The following SOS1 variants were observed in gnomAD, a reference collection of about 807,000 sequenced individuals.
SOS1 encodes the protein SOS Ras/Rac guanine nucleotide exchange factor 1, also known as son of sevenless homolog 1.
In SOS1, 25 loss-of-function variants were observed where a neutral mutation model predicts 157.6. The ratio of observed to expected loss-of-function variants is 0.16; its 90% CI spans 0.12 to 0.22. SOS1 has a LOEUF of 0.22. Ranked by LOEUF, SOS1 falls within the 10% of genes least tolerant of loss-of-function variation. The pLI is 1.00. For synonymous variants in SOS1, 528 were observed against 534.0 expected, an observed-to-expected ratio of 0.99 and a Z score of 0.16; for missense variants, 1,237 against 1,599.1, an observed-to-expected ratio of 0.77 and a Z score of 3.86.
At chr2:39,122,444 AT>A (rs1272895308), upstream of SOS1, among the ~76,000 whole-genome samples, 7 of 43,548 alleles carry the variant, frequency 1.6e-4, no homozygotes, top group African/African-American at 3.4e-4. Context: ...TCAAAAAAAA[AT>A]ATACACACAC....
chr2:39,122,690 C>T (rs992886222), upstream of SOS1, among the ~76,000 whole-genome samples: 2 of 152,092 alleles, frequency 1.3e-5, no homozygotes, highest in South Asian at 2.1e-4. Context: ...GAATTATAGG[C>T]GCCTGCCACC....
At chr2:39,053,281 TAA>T (rs1394271119) in intron 5 of SOS1, among the ~76,000 whole-genome samples, 1 of 152,184 alleles carries the variant, frequency 6.6e-6, no homozygotes, top group Admixed American at 6.5e-5. Flanking sequence ...TTTGGTATTA[TAA>T]GTCATTTACA....
At chr2:39,055,400 G>A (rs1671178978) in intron 4 of SOS1, among the ~76,000 whole-genome samples, 1 of 151,942 alleles carries the variant, frequency 6.6e-6, no homozygotes, top group Non-Finnish European at 1.5e-5. Flanking sequence ...ATGAATATAA[G>A]TATACCTTCA....
At chr2:39,014,122 G>A in intron 11 of SOS1, 133 bp from the exon 12 acceptor site, 1 of 641,116 alleles carries the variant, frequency 1.6e-6, no homozygotes, top group Non-Finnish European at 2.7e-6. Flanking sequence ...ATGCATATCA[G>A]TGTAAACAAG....
intron 1 of SOS1, among the ~76,000 whole-genome samples, chr2:39,069,120 AG>A (rs1327561884): frequency 1.4e-5 from 2 of 142,332 alleles, no homozygotes; most frequent in Non-Finnish European, 3.0e-5. Flanking sequence ...CTGAGGAAGG[AG>A]GAACACTTAA....
chr2:39,021,430 T>A (rs1389771468), intron 10 of SOS1, among the ~76,000 whole-genome samples: 1 of 150,446 alleles, frequency 6.6e-6, no homozygotes, highest in African/African-American at 2.4e-5. Context: ...CAGAAACAAT[T>A]AAAAATTTTG....
rs547027772 is a variant in SOS1 at position 39,116,834 on chromosome 2, T to C, written c.87+3502A>G. ...CCACTGCACTCCAGCCTGTTAAGAC[T>C]CTGTCTCAAAACAAACAAACAAAAC... is the stretch of plus-strand genomic sequence containing the variant. On this transcript the variant is annotated intron_variant, in intron 1 of 22. Coordinates refer to ENST00000402219, the MANE Select transcript of SOS1 (RefSeq NM_005633.4). Among the ~76,000 whole-genome samples, 5 of 152,188 alleles carry C rather than the reference T, an allele frequency of 3.3e-5. No individual in the cohort carries two copies. The South Asian group carries it at 1.0e-3, about 32-fold the overall frequency.
chr2:39,101,148 AG>A (rs1399328100), intron 1 of SOS1, among the ~76,000 whole-genome samples: 1 of 152,182 alleles, frequency 6.6e-6, no homozygotes, highest in Admixed American at 6.5e-5. Context: ...GCAGAGCCAA[AG>A]GGGGAGCAAA....
intron 17 of SOS1, among the ~76,000 whole-genome samples, chr2:39,003,370 G>A (rs1558463999): frequency 6.6e-6 from 1 of 152,088 alleles, no homozygotes; most frequent in Non-Finnish European, 1.5e-5. Flanking sequence ...CAAGCAAGTA[G>A]TAAAATTATA....
intron 10 of SOS1, among the ~76,000 whole-genome samples, chr2:39,020,862 T>C (rs1669773660): frequency 6.6e-6 from 1 of 150,834 alleles, no homozygotes; most frequent in Non-Finnish European, 1.5e-5. Context: ...TAAATTAAAA[T>C]ATTCAGTTAA....
At chr2:39,055,169 T>C (rs534532805) in intron 4 of SOS1, among the ~76,000 whole-genome samples, 1 of 152,320 alleles carries the variant, frequency 6.6e-6, no homozygotes, top group East Asian at 1.9e-4. Context: ...CTTTATTCCA[T>C]GGCCTCAGTA....
Position 39,007,207 on chromosome 2 carries a change from A to G in SOS1, c.2511-14T>C. ...TCTACAATACATCTGGGAATAAAAAAAAAGTGAACTAAAGGTTTTAGAGTT... is the reference window on the plus strand; with the variant it reads ...TCTACAATACATCTGGGAATAAAAAGAAAGTGAACTAAAGGTTTTAGAGTT... On this transcript the variant is annotated splice_polypyrimidine_tract_variant and intron_variant, in intron 15 of 22. Coordinates refer to ENST00000402219, the MANE Select transcript of SOS1 (RefSeq NM_005633.4). The G allele has an allele frequency of 6.6e-7, 1 of 1,516,384 alleles. No homozygotes were observed. The highest frequency in any genetic ancestry group is 1.1e-5 in the South Asian group (1 of 89,000). The allele number at this position is 1,516,384 out of a possible 1,614,324, so 93.9% of individuals were successfully genotyped here.
At chr2:39,019,528 A>C (rs552943316) in intron 10 of SOS1, among the ~76,000 whole-genome samples, 3 of 151,848 alleles carry the variant, frequency 2.0e-5, no homozygotes, top group African/African-American at 7.2e-5. Context: ...CAAACCCCAA[A>C]GTTCTGATAT....
At chr2:39,038,359 G>A (rs937270586) in intron 6 of SOS1, among the ~76,000 whole-genome samples, 6 of 152,122 alleles carry the variant, frequency 3.9e-5, no homozygotes, top group Non-Finnish European at 8.8e-5. Flanking sequence ...GATTAGAAGT[G>A]GAGCCTGATG....
At chr2:39,071,740 T>C (rs924103720) in intron 1 of SOS1, among the ~76,000 whole-genome samples, 3 of 152,214 alleles carry the variant, frequency 2.0e-5, no homozygotes, top group African/African-American at 4.8e-5. Flanking sequence ...AACCCATGTA[T>C]ATAATTCTTC....
At chr2:39,046,945 GAAAT>G (rs1670808745) in intron 6 of SOS1, among the ~76,000 whole-genome samples, 3 of 152,130 alleles carry the variant, frequency 2.0e-5, no homozygotes, top group Admixed American at 2.0e-4. Flanking sequence ...TTGTATGTTT[GAAAT>G]GGTTTTTATT....
At chr2:39,040,011 TTTTA>T (rs1413298246) in intron 6 of SOS1, among the ~76,000 whole-genome samples, 1 of 152,050 alleles carries the variant, frequency 6.6e-6, no homozygotes, top group Non-Finnish European at 1.5e-5. Flanking sequence ...CCTTTTATTT[TTTTA>T]TTTTTTATTT....
Position 38,995,265 on chromosome 2 carries a change from G to T in SOS1, c.3204C>A (p.Ile1068=). The T allele has an allele frequency of 6.2e-7, 1 of 1,614,008 alleles. No homozygotes were observed. Among genetic ancestry groups the T allele is most frequent in the Middle Eastern group, 1.7e-4 (1 of 6,060 alleles). The change falls in exon 20 of 23, where the codon ATC becomes ATA. Residue 1068 remains isoleucine (I), a synonymous_variant. Transcript: ENST00000402219. ...CTGTACTTTCTGTTTCACTTTCAGGGATCCTACTATAACTAATTTTCCTTG... is the reference window on the plus strand; with the variant it reads ...CTGTACTTTCTGTTTCACTTTCAGGTATCCTACTATAACTAATTTTCCTTG... ...QEPRKISYSR[I]PESETESTAS... is the part of the protein sequence containing the mutation.
At chr2:39,020,143 A>G (rs1032686523) in intron 10 of SOS1, among the ~76,000 whole-genome samples, 4 of 151,528 alleles carry the variant, frequency 2.6e-5, no homozygotes, top group Admixed American at 1.3e-4. Flanking sequence ...ACTTCTGGGA[A>G]ATCATATAAT....
Sources: gnomAD v4.1 joint callset for allele counts (sites outside exome capture counted in the v4.1 genomes callset) on GRCh38, gnomAD v4.1.1 for gene constraint, MANE v1.5 for transcripts, NCBI Gene and HGNC (gene_info 2026-07-23, HGNC 2026-07-21) for gene names.